The following EPHA3 variants were observed in gnomAD, a reference collection of about 807,000 sequenced individuals.
The protein encoded by EPHA3 is ephrin type-A receptor 3.
Under a neutral mutation model 107.1 loss-of-function variants are expected in EPHA3, and 42 were observed. The ratio of observed to expected loss-of-function variants is 0.39; its 90% CI spans 0.31 to 0.51. The LOEUF (loss-of-function observed/expected upper bound fraction) is 0.51, where lower values mean the gene tolerates loss of function less well. Ranked by LOEUF, EPHA3 falls within the 20% of genes least tolerant of loss-of-function variation. The pLI is 0.78. For missense variants in EPHA3, 1,183 were observed against 1,211.2 expected (o/e 0.98, Z 0.35); for synonymous variants, 461 against 424.8 (o/e 1.09, Z -1.05).
Position 89,408,071 on chromosome 3 carries a change from T to G in EPHA3, c.1702T>G (p.Cys568Gly), listed in dbSNP as rs56077781. ...VVIYVLIGRF[C>G]GYKSKHGADE... ...CTTTCCTTGATTTACCTCCAGGTTC[T>G]GTGGCTATAAGTCAAAACATGGGGC... The change falls in exon 9 of 17, where the codon TGT becomes GGT. Residue 568 changes from cysteine (C) to glycine (G), a missense_variant. By Grantham distance (159) the Cys-to-Gly change is radical. Transcript: ENST00000336596. 1.9e-6 allele frequency: 3 copies of G among 1,612,856 alleles called. No individual in the cohort carries two copies. The East Asian group carries it at 6.7e-5, about 36-fold the overall frequency.
intron 15 of EPHA3, among the ~76,000 whole-genome samples, chr3:89,451,976 C>G (rs1710002094): frequency 6.6e-6 from 1 of 151,594 alleles, no homozygotes; most frequent in Admixed American, 6.6e-5. Context: ...GCCTTAGTAT[C>G]ATATTTTTGT....
At chr3:89,158,592 C>A (rs1704855928) in intron 2 of EPHA3, among the ~76,000 whole-genome samples, 3 of 152,072 alleles carry the variant, frequency 2.0e-5, no homozygotes, top group Admixed American at 1.3e-4. Flanking sequence ...CTGCTTTTCC[C>A]AGATTCATAA....
intron 5 of EPHA3, among the ~76,000 whole-genome samples, chr3:89,383,735 A>T (rs747963651): frequency 7.1e-5 from 9 of 127,130 alleles, no homozygotes; most frequent in South Asian, 2.5e-4. Context: ...TGCAAGCTCC[A>T]CCTCCCGGGT....
rs562486428 is a variant in EPHA3, at chr3:89,156,416, C to T, written c.153+29143C>T. Among the ~76,000 whole-genome samples, 3 of 152,160 alleles carry T rather than the reference C, an allele frequency of 2.0e-5. No individual in the cohort carries two copies. The South Asian group carries it at 6.2e-4, about 32-fold the overall frequency. On this transcript the variant is annotated intron_variant, in intron 2 of 16. Coordinates refer to ENST00000336596, the MANE Select transcript of EPHA3 (RefSeq NM_005233.6). ...GAGCAAGTGCTCTTATTTTTAACTG[C>T]TCTGCAATAAATTGTTTATTTTTTA...
At chr3:89,147,888 A>G (rs1704601370) in intron 2 of EPHA3, among the ~76,000 whole-genome samples, 1 of 151,998 alleles carries the variant, frequency 6.6e-6, no homozygotes, top group Non-Finnish European at 1.5e-5. Context: ...AGCATGGAGT[A>G]GCTGGTCAAA....
intron 3 of EPHA3, among the ~76,000 whole-genome samples, chr3:89,298,916 A>G (rs1316987057): frequency 2.0e-5 from 3 of 152,132 alleles, no homozygotes; most frequent in African/African-American, 7.2e-5. Context: ...TACTATCATC[A>G]TGAAGATGAT....
In EPHA3 at chr3:89,370,344, C is replaced by G. The variant is rs888376828; in HGVS notation, c.1307-25493C>G. ...ATGCAGCCATAAAAAATGATGAGTT[C>G]ATGTCCTTTTTAGGGACATGGATGA... On this transcript the variant is annotated intron_variant, in intron 5 of 16. Transcript: ENST00000336596. 2.0e-5 allele frequency among the ~76,000 whole-genome samples: 3 copies of G among 151,936 alleles called. No homozygotes were observed. The South Asian group carries it at 6.2e-4, about 32-fold the overall frequency.
chr3:89,237,403 G>A (rs534322203), intron 3 of EPHA3, among the ~76,000 whole-genome samples: 2 of 151,956 alleles, frequency 1.3e-5, no homozygotes, highest in African/African-American at 2.4e-5. Flanking sequence ...TATAAATAAC[G>A]GCCATACATG....
intron 3 of EPHA3, among the ~76,000 whole-genome samples, chr3:89,288,995 T>G (rs1002216710): frequency 2.0e-5 from 3 of 152,178 alleles, no homozygotes; most frequent in African/African-American, 7.2e-5. Context: ...TCGTAACAGC[T>G]TATATTAACA....
intron 16 of EPHA3, among the ~76,000 whole-genome samples, chr3:89,477,764 C>A (rs11923388): frequency 0.036 from 5,400 of 151,670 alleles, 339 homozygotes; most frequent in African/African-American, 0.12. Flanking sequence ...CTTTCTTTAG[C>A]AAATTTGTAT....
chr3:89,207,685 A>C (rs1706140001), intron 2 of EPHA3, among the ~76,000 whole-genome samples: 1 of 152,166 alleles, frequency 6.6e-6, no homozygotes, highest in African/African-American at 2.4e-5. Flanking sequence ...TATTGGAGAA[A>C]AATGTAGGAA....
intron 7 of EPHA3, chr3:89,400,400 C>T (rs969951370): frequency 1.5e-4 from 23 of 152,774 alleles, no homozygotes; most frequent in African/African-American, 5.5e-4. Context: ...GTCCAGATTT[C>T]ACCGTGTTAG....
At chr3:89,188,002 GA>G (rs1398412760) in intron 2 of EPHA3, among the ~76,000 whole-genome samples, 1 of 151,894 alleles carries the variant, frequency 6.6e-6, no homozygotes, top group African/African-American at 2.4e-5. Flanking sequence ...CAAGTAATCT[GA>G]AAAAAATTCA....
chr3:89,162,815 C>T (rs971134631), intron 2 of EPHA3, among the ~76,000 whole-genome samples: 9 of 152,126 alleles, frequency 5.9e-5, no homozygotes, highest in Non-Finnish European at 1.2e-4. Flanking sequence ...GGATGTGCCA[C>T]CCTTGGGAAG....
intron 3 of EPHA3, among the ~76,000 whole-genome samples, chr3:89,220,048 C>T (rs1704333810): frequency 6.6e-6 from 1 of 152,116 alleles, no homozygotes; most frequent in South Asian, 2.1e-4. Context: ...AAAGGGGTTG[C>T]TTACTGGCAC....
At chr3:89,208,226 C>G (rs1706155239) in intron 2 of EPHA3, among the ~76,000 whole-genome samples, 1 of 151,348 alleles carries the variant, frequency 6.6e-6, no homozygotes, top group Admixed American at 6.6e-5. Context: ...CAAAATTAGC[C>G]AGTTGTGGTG....
intron 16 of EPHA3, among the ~76,000 whole-genome samples, chr3:89,478,496 T>C (rs1486115909): frequency 6.6e-6 from 1 of 152,168 alleles, no homozygotes; most frequent in Non-Finnish European, 1.5e-5. Context: ...GATGCTTTCA[T>C]TTCGACGTCT....
rs1553692173 is a variant in EPHA3, at chr3:89,419,240, C to T, written c.1924C>T (p.Leu642Phe). 6.2e-7 allele frequency: 1 copy of T among 1,609,570 alleles called. No homozygotes were observed. Among genetic ancestry groups the T allele is most frequent in the Non-Finnish European group, 8.5e-7 (1 of 1,177,298 alleles). The change falls in exon 11 of 17, where the codon CTT becomes TTT. Residue 642 changes from leucine to phenylalanine, a missense_variant. Transcript: ENST00000336596. ...AGAGGTGTGCAGTGGTCGCTTAAAACTTCCTTCAAAAAAAGAGATTTCAGT... is the reference window on the plus strand; with the variant it reads ...AGAGGTGTGCAGTGGTCGCTTAAAATTTCCTTCAAAAAAAGAGATTTCAGT... ...FGEVCSGRLK[L>F]PSKKEISVAI...
intron 5 of EPHA3, among the ~76,000 whole-genome samples, chr3:89,360,541 A>G (rs970509095): frequency 6.0e-5 from 9 of 150,988 alleles, no homozygotes; most frequent in Admixed American, 2.7e-4. Flanking sequence ...CTCAAACTGT[A>G]TATCTACATC....
Sources: allele counts gnomAD v4.1 joint callset (sites outside exome capture counted in the v4.1 genomes callset), GRCh38; gene constraint gnomAD v4.1.1; transcripts MANE v1.5; gene names NCBI Gene and HGNC (gene_info 2026-07-23, HGNC 2026-07-21).